Variants in ATP6V1D observed in about 807,000 individuals in gnomAD.
ATP6V1D encodes ATPase H+ transporting V1 subunit D, also known as V-type proton ATPase subunit D.
Under a neutral mutation model 39.4 loss-of-function variants are expected in ATP6V1D, and 20 were observed. The ratio of observed to expected loss-of-function variants is 0.51; its 90% CI spans 0.36 to 0.74. The LOEUF (loss-of-function observed/expected upper bound fraction) is 0.74, where lower values mean the gene tolerates loss of function less well. Among genes scored for constraint, ATP6V1D ranks in the 30% least tolerant of loss-of-function variants. The probability of loss-of-function intolerance (pLI) is 0.00; values close to 1 mark genes in which losing one functional copy is unlikely to be tolerated. For missense variants in ATP6V1D, 228 were observed against 291.6 expected, an observed-to-expected ratio of 0.78 and a Z score of 1.59; for synonymous variants, 100 against 100.5, an observed-to-expected ratio of 0.99 and a Z score of 0.03.
At chr14:67,356,731 C>T (rs934962610) in intron 1 of ATP6V1D, among the ~76,000 whole-genome samples, 23 of 152,322 alleles carry the variant, frequency 1.5e-4, no homozygotes, top group Admixed American at 1.2e-3. Context: ...TGTGCCTCCC[C>T]TTAAAGAGAA....
At chr14:67,348,639 A>G (rs2085637805) in intron 4 of ATP6V1D, among the ~76,000 whole-genome samples, 2 of 152,112 alleles carry the variant, frequency 1.3e-5, no homozygotes, top group African/African-American at 4.8e-5. Context: ...CTCCTGCCTC[A>G]GCCTCCCAAG....
At chr14:67,342,638 ATGAGGTAAC>A (rs2085593743) in intron 7 of ATP6V1D, among the ~76,000 whole-genome samples, 1 of 151,256 alleles carries the variant, frequency 6.6e-6, no homozygotes, top group Non-Finnish European at 1.5e-5. Flanking sequence ...TTTTTAAAAA[ATGAGGTAAC>A]TTTCTCACTA....
At chr14:67,341,753 G>A (rs1358427913) in intron 7 of ATP6V1D, among the ~76,000 whole-genome samples, 2 of 152,254 alleles carry the variant, frequency 1.3e-5, no homozygotes, top group African/African-American at 2.4e-5. Context: ...AGGGGGAAAG[G>A]TGGGGAAAAG....
At chr14:67,346,484 G>A (rs1025925621) in intron 5 of ATP6V1D, among the ~76,000 whole-genome samples, 1 of 152,100 alleles carries the variant, frequency 6.6e-6, no homozygotes, top group South Asian at 2.1e-4. Context: ...GCTAATTTTT[G>A]TAACTTTTTG....
In ATP6V1D at chr14:67,340,504, T is replaced by C. The variant is rs993708581; in HGVS notation, c.538A>G (p.Ile180Val). 11 of 1,605,666 alleles carry C rather than the reference T, an allele frequency of 6.9e-6. No homozygotes were observed. Among genetic ancestry groups the C allele is most frequent in the Admixed American group, 6.8e-5 (4 of 59,052 alleles). Residue 180 changes from isoleucine (I) to valine (V), a missense_variant, in exon 8 of 9, where the codon ATT (isoleucine) becomes GTT (valine). Ile to Val is a conservative substitution (Grantham distance 29). This residue lies in a region of ATP6V1D where 114 missense variants were observed against 128.3 expected (regional missense o/e 0.89). Transcript: ENST00000216442. ...ATGATATAAGCAAGAGTACGTTCAA[T>C]CCGGGGAATGATGACTAGAATAAAA... ...NAIEHVIIPR[I>V]ERTLAYIITE...
intron 5 of ATP6V1D, 63 bp downstream of exon 5, chr14:67,347,346 T>A: frequency 3.7e-6 from 5 of 1,345,052 alleles, no homozygotes; most frequent in Non-Finnish European, 5.3e-6. Context: ...AGAACTTAGT[T>A]CATTTAAAGA....
chr14:67,356,966 T>C (rs1465866764), intron 1 of ATP6V1D, among the ~76,000 whole-genome samples: 1 of 152,202 alleles, frequency 6.6e-6, no homozygotes, highest in Non-Finnish European at 1.5e-5. Context: ...AAAGGTAAAC[T>C]GGTTGATAAA....
rs912652606 is a variant in ATP6V1D, at chr14:67,338,365, A to G, written c.*256T>C. The G allele has an allele frequency of 5.2e-6, 2 of 381,640 alleles. No homozygotes were observed. Among genetic ancestry groups the G allele is most frequent in the African/African-American group, 2.1e-5 (1 of 48,518 alleles). The allele number at this position is 381,640 out of a possible 1,614,324, so 23.6% of individuals were successfully genotyped here. A position where few individuals can be genotyped will look rare whatever the true frequency, so the allele number is the denominator to read the frequency against. On this transcript the variant is annotated 3_prime_UTR_variant, in exon 9 of 9. Coordinates refer to ENST00000216442, the MANE Select transcript of ATP6V1D (RefSeq NM_015994.4). ...CAGATCACGTGTAACACAGATGTAA[A>G]TGGAGTATGATAACGCTTCTGCAAA...
chr14:67,348,992 C>A, intron 4 of ATP6V1D, 45 bp downstream of exon 4: 1 of 1,563,374 alleles, frequency 6.4e-7, no homozygotes, highest in South Asian at 1.1e-5. Context: ...TTTAAAATGT[C>A]ACCTCTTTTC....
chr14:67,347,791 C>T (rs774693139), intron 4 of ATP6V1D, among the ~76,000 whole-genome samples: 1 of 152,094 alleles, frequency 6.6e-6, no homozygotes, highest in Non-Finnish European at 1.5e-5. Flanking sequence ...TGAGCCACCG[C>T]GCCTGGCCTA....
intron 3 of ATP6V1D, among the ~76,000 whole-genome samples, chr14:67,350,069 A>C (rs2085646022): frequency 6.6e-6 from 1 of 152,284 alleles, no homozygotes; most frequent in Admixed American, 6.5e-5. Context: ...GGAGAATTAC[A>C]TAACATATGT....
At chr14:67,352,851 A>C (rs951345848) in intron 2 of ATP6V1D, 72 bp downstream of exon 2, 1 of 22 alleles carries the variant, frequency 0.045, no homozygotes, top group Non-Finnish European at 0.083. Flanking sequence ...TAACAACAAC[A>C]AAAAAAAAAA....
At chr14:67,347,325 C>A in intron 5 of ATP6V1D, 84 bp downstream of exon 5, 1 of 1,098,922 alleles carries the variant, frequency 9.1e-7, no homozygotes, top group Admixed American at 2.1e-5. Context: ...CAACATCTAG[C>A]ACCATTTTCC....
chr14:67,357,989 A>G (rs1008427661), intron 1 of ATP6V1D, among the ~76,000 whole-genome samples: 1 of 152,212 alleles, frequency 6.6e-6, no homozygotes, highest in Non-Finnish European at 1.5e-5. Flanking sequence ...CCTGTTTCGT[A>G]AATGCTCTAA....
intron 3 of ATP6V1D, 148 bp downstream of exon 3, chr14:67,350,463 G>T: frequency 1.7e-6 from 1 of 576,478 alleles, no homozygotes; most frequent in Non-Finnish European, 2.9e-6. Flanking sequence ...GTGGAGTTAA[G>T]GTGATGGGGT....
chr14:67,343,250 T>C (rs2085598502), intron 7 of ATP6V1D, 122 bp downstream of exon 7: 6 of 681,166 alleles, frequency 8.8e-6, no homozygotes, highest in Non-Finnish European at 1.2e-5. Context: ...CTTTGCACTG[T>C]GGGCAAGGGA....
In ATP6V1D at chr14:67,342,181, AAAATAAAT is replaced by A. The variant is rs138921606; in HGVS notation, c.523+1183_523+1190del. 1.9e-3 allele frequency among the ~76,000 whole-genome samples: 193 copies of A among 99,596 alleles called. 1 individual carries two copies. Among genetic ancestry groups the A allele is most frequent in the South Asian group, 4.6e-3 (12 of 2,582 alleles). 65.3% of individuals were successfully genotyped at this position (99,596 alleles called of 152,430 possible). A position where few individuals can be genotyped will look rare whatever the true frequency, so the allele number is the denominator to read the frequency against. ...TGAGAAACACCCAAGAATGATCAATAAAATAAATAAATAAATAAATAAATAAATAAATA... is the reference window on the plus strand; with the variant it reads ...TGAGAAACACCCAAGAATGATCAATAAAATAAATAAATAAATAAATAAATA... On this transcript the variant is annotated intron_variant, in intron 7 of 8. Coordinates refer to ENST00000216442, the MANE Select transcript of ATP6V1D (RefSeq NM_015994.4).
chr14:67,351,248 T>G (rs1461969846), intron 2 of ATP6V1D, among the ~76,000 whole-genome samples: 2 of 152,152 alleles, frequency 1.3e-5, no homozygotes, highest in Non-Finnish European at 2.9e-5. Flanking sequence ...CAGGTCTATA[T>G]GGAAATTTAG....
rs1254010789 is a variant in ATP6V1D at position 67,352,981 on chromosome 14, T to C, written c.101A>G (p.Lys34Arg). ...AAGAGTTAAGGCATCAGATTTTTTC[T>C]TCAGGAGGTTTCGACCTGTCTGTGC... The part of the protein sequence containing the change: ...KGAQTGRNLL[K>R]KKSDALTLRF... Residue 34 changes from lysine (K) to arginine (R), a missense_variant, in exon 2 of 9, where the codon AAG (lysine) becomes AGG (arginine). By Grantham distance (26) the Lys-to-Arg change is conservative. This residue lies in a region of ATP6V1D where 104 missense variants were observed against 120.2 expected (regional missense o/e 0.87). Transcript: ENST00000216442. The C allele has an allele frequency of 1.2e-6, 2 of 1,614,168 alleles. No individual in the cohort carries two copies. Among genetic ancestry groups the C allele is most frequent in the Non-Finnish European group, 1.7e-6 (2 of 1,180,000 alleles).
Sources: gnomAD v4.1 joint callset for allele counts (sites outside exome capture counted in the v4.1 genomes callset) on GRCh38, gnomAD v4.1.1 for gene constraint, gnomAD v4.1.1 regional missense constraint, MANE v1.5 for transcripts, NCBI Gene and HGNC (gene_info 2026-07-23, HGNC 2026-07-21) for gene names.